Variants in INTU observed in about 807,000 individuals in gnomAD.
INTU encodes protein inturned.
INTU carries 68 observed loss-of-function variants against 100.5 expected under a neutral mutation model. The ratio of observed to expected loss-of-function variants is 0.68; its 90% CI spans 0.56 to 0.83. The LOEUF (loss-of-function observed/expected upper bound fraction) is 0.83. INTU is among the 40% of genes least tolerant of loss of function. The probability of loss-of-function intolerance (pLI) is 0.00; values close to 1 mark genes in which losing one functional copy is unlikely to be tolerated. For missense variants in INTU, 1,071 were observed against 1,114.7 expected (o/e 0.96, Z 0.56); for synonymous variants, 357 against 395.7 (o/e 0.90, Z 1.16).
intron 4 of INTU, among the ~76,000 whole-genome samples, chr4:127,665,089 C>G (rs1728636691): frequency 6.6e-6 from 1 of 151,512 alleles, no homozygotes; most frequent in South Asian, 2.1e-4. Context: ...ACCTTAGTTT[C>G]AGTTACCCTT....
At position 127,705,672 on chromosome 4, in the gene INTU, T is replaced by G. The variant is rs1730846651; in HGVS notation, c.1648T>G (p.Leu550Val). 1 of 1,613,656 alleles carries G rather than the reference T, an allele frequency of 6.2e-7. No homozygotes were observed. The highest frequency in any genetic ancestry group is 1.3e-5 in the African/African-American group (1 of 74,878). ...CTGTCGCCACTATTGCCTGCTGCCTTTAGCAGCAAAACAAAGAATTGGTCA... is the reference window on the plus strand; with the variant it reads ...CTGTCGCCACTATTGCCTGCTGCCTGTAGCAGCAAAACAAAGAATTGGTCA... ...VYCRHYCLLPLAAKQRIGQLI... is the reference protein window; with the variant it reads ...VYCRHYCLLPVAAKQRIGQLI... The change falls in exon 11 of 16, where the codon TTA becomes GTA. Residue 550 changes from leucine (L) to valine (V), a missense_variant. Transcript: ENST00000335251.
At position 127,721,756 on chromosome 4, in the gene INTU, A is replaced by C. The variant is rs978306709; in HGVS notation, c.*5320A>C. On this transcript the variant is annotated 3_prime_UTR_variant, in exon 16 of 16. Coordinates refer to ENST00000335251, the MANE Select transcript of INTU (RefSeq NM_015693.4). ...TGATATCCTTTCTTCCACTTAGTCTATTTGGCTATGGATACTTGTGTTTCC... is the reference window on the plus strand; with the variant it reads ...TGATATCCTTTCTTCCACTTAGTCTCTTTGGCTATGGATACTTGTGTTTCC... The C allele has an allele frequency of 2.0e-5, 3 of 152,034 alleles. No homozygotes were observed. Among genetic ancestry groups the C allele is most frequent in the Non-Finnish European group, 2.9e-5 (2 of 68,010 alleles). The allele number at this position is 152,034 out of a possible 1,614,324, so 9.4% of individuals were successfully genotyped here.
chr4:127,672,823 G>A (rs938769383), intron 5 of INTU, among the ~76,000 whole-genome samples: 4 of 152,034 alleles, frequency 2.6e-5, no homozygotes, highest in African/African-American at 9.7e-5. Context: ...ACACACTTAA[G>A]TTCTCTTTAT....
intron 7 of INTU, chr4:127,687,176 C>A (rs1369193401): frequency 6.6e-6 from 1 of 152,276 alleles, no homozygotes; most frequent in African/African-American, 2.4e-5. Flanking sequence ...ATTGTATTAA[C>A]CCTGTTTTTA....
chr4:127,675,768 G>A (rs1729146960), intron 6 of INTU: 3 of 166,520 alleles, frequency 1.8e-5, no homozygotes, highest in Middle Eastern at 7.5e-4. Flanking sequence ...CTCATAACAT[G>A]TCAACTGGCT....
chr4:127,713,329 G>A (rs1326120656), intron 14 of INTU, among the ~76,000 whole-genome samples: 1 of 152,114 alleles, frequency 6.6e-6, no homozygotes, highest in East Asian at 1.9e-4. Flanking sequence ...TTAGATAAAA[G>A]CTATGAAGGA....
At chr4:127,692,391 T>C (rs537391592) in intron 8 of INTU, among the ~76,000 whole-genome samples, 98 of 152,328 alleles carry the variant, frequency 6.4e-4, no homozygotes, top group African/African-American at 2.3e-3. Context: ...ATATCTTCTT[T>C]TCAGAATTGT....
intron 1 of INTU, 57 bp from the exon 2 acceptor site, chr4:127,643,464 A>G: frequency 1.4e-6 from 2 of 1,426,666 alleles, no homozygotes; most frequent in Non-Finnish European, 1.9e-6. Flanking sequence ...CCAGGATGAC[A>G]TACCTTTCTT....
chr4:127,681,850 C>T (rs2126224445), intron 6 of INTU, among the ~76,000 whole-genome samples: 1 of 152,218 alleles, frequency 6.6e-6, no homozygotes, highest in East Asian at 1.9e-4. Flanking sequence ...TTGCAACCTA[C>T]TCATCTGACA....
intron 1 of INTU, among the ~76,000 whole-genome samples, chr4:127,633,864 T>C (rs1194625668): frequency 6.6e-6 from 1 of 152,278 alleles, no homozygotes; most frequent in Non-Finnish European, 1.5e-5. Flanking sequence ...TCAGTGCTAC[T>C]TCATTTTTAA....
At chr4:127,671,951 T>C (rs1371335643) in intron 5 of INTU, among the ~76,000 whole-genome samples, 1 of 152,048 alleles carries the variant, frequency 6.6e-6, no homozygotes, top group Non-Finnish European at 1.5e-5. Context: ...GGCTAAATAA[T>C]GTATACACAT....
intron 6 of INTU, among the ~76,000 whole-genome samples, chr4:127,681,080 C>T (rs1729518117): frequency 6.6e-6 from 1 of 151,948 alleles, no homozygotes; most frequent in African/African-American, 2.4e-5. Context: ...GAACTACAAA[C>T]CACTGCTCAA....
rs1269454716 is a variant in INTU at position 127,719,894 on chromosome 4, A to T, written c.*3458A>T. On this transcript the variant is annotated 3_prime_UTR_variant, in exon 16 of 16. Coordinates refer to ENST00000335251, the MANE Select transcript of INTU (RefSeq NM_015693.4). ...TCTTTTCTTCTTTATTAGTCTAGCT[A>T]ATAGTCTATTTTGTTAATATTTTCA... 1 of 149,902 alleles carries T rather than the reference A, an allele frequency of 6.7e-6. No homozygotes were observed. The highest frequency in any genetic ancestry group is 2.5e-5 in the African/African-American group (1 of 40,066). The allele number at this position is 149,902 out of a possible 1,614,324, so 9.3% of individuals were successfully genotyped here.
chr4:127,660,862 A>G (rs1728445807), intron 3 of INTU, among the ~76,000 whole-genome samples: 1 of 152,170 alleles, frequency 6.6e-6, no homozygotes, highest in South Asian at 2.1e-4. Flanking sequence ...AGTATCATTT[A>G]ATAAAAGTTT....
At chr4:127,653,061 G>A (rs893659694) in intron 2 of INTU, among the ~76,000 whole-genome samples, 1 of 151,666 alleles carries the variant, frequency 6.6e-6, no homozygotes, top group Non-Finnish European at 1.5e-5. Context: ...TGGAATCGGT[G>A]GTGATATCTC....
rs563035660 is a variant in INTU at position 127,690,704 on chromosome 4, G to A, written c.1449+2837G>A. Among the ~76,000 whole-genome samples, 130 of 152,116 alleles carry A rather than the reference G, an allele frequency of 8.5e-4. 1 individual carries two copies. Among genetic ancestry groups the A allele is most frequent in the African/African-American group, 3.0e-3 (125 of 41,510 alleles). On this transcript the variant is annotated intron_variant, in intron 8 of 15. Transcript: ENST00000335251. ...TATTCTATTTTTTACTGCAGTTTTAGGTTCACAGTAAAATTGAGAGAAAGG... is the reference window on the plus strand; with the variant it reads ...TATTCTATTTTTTACTGCAGTTTTAAGTTCACAGTAAAATTGAGAGAAAGG...
At chr4:127,665,822 C>T (rs1728672387) in intron 4 of INTU, among the ~76,000 whole-genome samples, 1 of 152,104 alleles carries the variant, frequency 6.6e-6, no homozygotes, top group African/African-American at 2.4e-5. Flanking sequence ...GCTCATGTTC[C>T]ACTGGGTAGA....
chr4:127,673,329 A>G (rs959567704), intron 5 of INTU, among the ~76,000 whole-genome samples: 1 of 146,244 alleles, frequency 6.8e-6, no homozygotes, highest in Non-Finnish European at 1.5e-5. Flanking sequence ...CTACAGGACC[A>G]CTCCACTACA....
chr4:127,679,974 A>G (rs1729444118), intron 6 of INTU, among the ~76,000 whole-genome samples: 1 of 152,190 alleles, frequency 6.6e-6, no homozygotes, highest in South Asian at 2.1e-4. Context: ...TACTACAAAC[A>G]CCTCTATGCA....
Sources: allele counts gnomAD v4.1 joint callset (sites outside exome capture counted in the v4.1 genomes callset), GRCh38; gene constraint gnomAD v4.1.1; transcripts MANE v1.5; gene names NCBI Gene and HGNC (gene_info 2026-07-23, HGNC 2026-07-21).